The following UBE2R2 variants were observed in gnomAD, a reference collection of about 807,000 sequenced individuals.
UBE2R2 encodes the protein ubiquitin conjugating enzyme E2 R2.
UBE2R2 carries 1 observed loss-of-function variant against 27.8 expected under a neutral mutation model. That is an observed-to-expected ratio of 0.04 (90% CI 0.01 to 0.17). The LOEUF is 0.17. Among genes scored for constraint, UBE2R2 ranks in the 10% least tolerant of loss-of-function variants. UBE2R2 has a pLI of 1.00. For missense variants in UBE2R2, 100 were observed against 291.0 expected, an observed-to-expected ratio of 0.34 and a Z score of 4.78; for synonymous variants, 106 against 113.3, an observed-to-expected ratio of 0.94 and a Z score of 0.41.
At chr9:33,853,498 T>G (rs1587445799) in intron 1 of UBE2R2, among the ~76,000 whole-genome samples, 1 of 152,066 alleles carries the variant, frequency 6.6e-6, no homozygotes, top group East Asian at 1.9e-4. Flanking sequence ...TTGGTCAGGC[T>G]GGTCTCGAAC....
chr9:33,854,396 T>C (rs922558688), intron 1 of UBE2R2, among the ~76,000 whole-genome samples: 2 of 152,070 alleles, frequency 1.3e-5, no homozygotes, highest in African/African-American at 2.4e-5. Flanking sequence ...CTCAGCTCAC[T>C]GCAACTTCCG....
chr9:33,849,907 T>C (rs1290658820), intron 1 of UBE2R2, among the ~76,000 whole-genome samples: 1 of 152,058 alleles, frequency 6.6e-6, no homozygotes, highest in Non-Finnish European at 1.5e-5. Context: ...ACTGACCCAA[T>C]TCTATATGTA....
intron 1 of UBE2R2, among the ~76,000 whole-genome samples, chr9:33,862,504 A>C (rs373634169): frequency 4.6e-5 from 7 of 152,138 alleles, no homozygotes; most frequent in African/African-American, 1.7e-4. Flanking sequence ...TCTTTGGCTG[A>C]ATTACATGCC....
chr9:33,892,842 G>A (rs571657021), intron 2 of UBE2R2, among the ~76,000 whole-genome samples: 1 of 151,996 alleles, frequency 6.6e-6, no homozygotes, highest in East Asian at 1.9e-4. Context: ...ATTTGGATGG[G>A]GTGTAGGCTA....
At chr9:33,829,603 G>C (rs962346296) in intron 1 of UBE2R2, among the ~76,000 whole-genome samples, 2 of 152,062 alleles carry the variant, frequency 1.3e-5, no homozygotes, top group South Asian at 2.1e-4. Flanking sequence ...AGATGATAGA[G>C]AAAGTTAAAT....
In UBE2R2 at chr9:33,817,699, C is replaced by T. The variant is rs1825835049; in HGVS notation, c.-59C>T. 3.0e-6 allele frequency: 4 copies of T among 1,340,950 alleles called. No homozygotes were observed. Among genetic ancestry groups the T allele is most frequent in the African/African-American group, 1.6e-5 (1 of 63,118 alleles). 83.1% of individuals were successfully genotyped at this position (1,340,950 alleles called of 1,614,324 possible). ...CGGAGGGGAGGGGCCTGGTCCGGCCCGGCCGGTGCGTGAGGACTGGGGCCC... is the reference window on the plus strand; with the variant it reads ...CGGAGGGGAGGGGCCTGGTCCGGCCTGGCCGGTGCGTGAGGACTGGGGCCC... On this transcript the variant is annotated 5_prime_UTR_variant, in exon 1 of 5. Transcript: ENST00000263228.
chr9:33,894,503 G>C (rs1424982170), intron 2 of UBE2R2, among the ~76,000 whole-genome samples: 1 of 151,968 alleles, frequency 6.6e-6, no homozygotes, highest in Admixed American at 6.6e-5. Flanking sequence ...GCCCAGTCAT[G>C]GCTCACTGCA....
At chr9:33,823,590 G>C (rs184280091) in intron 1 of UBE2R2, among the ~76,000 whole-genome samples, 1 of 152,040 alleles carries the variant, frequency 6.6e-6, no homozygotes, top group Admixed American at 6.5e-5. Flanking sequence ...TGTCCAGGCT[G>C]GTCTCAAACT....
At chr9:33,819,519 A>G (rs1367763137) in intron 1 of UBE2R2, among the ~76,000 whole-genome samples, 4 of 152,250 alleles carry the variant, frequency 2.6e-5, no homozygotes, top group Admixed American at 1.3e-4. Flanking sequence ...CATGCAACTT[A>G]TTAGTAACAA....
intron 1 of UBE2R2, among the ~76,000 whole-genome samples, chr9:33,877,712 GTAT>G (rs1488154501): frequency 2.0e-5 from 3 of 152,162 alleles, no homozygotes; most frequent in African/African-American, 7.2e-5. Flanking sequence ...AAAGCTGGTA[GTAT>G]TATAATCTAA....
chr9:33,901,974 C>T (rs1361898668), intron 3 of UBE2R2, among the ~76,000 whole-genome samples: 4 of 147,570 alleles, frequency 2.7e-5, no homozygotes, highest in Non-Finnish European at 5.9e-5. Context: ...AATGAAGCGG[C>T]GCGGTCACGG....
intron 2 of UBE2R2, among the ~76,000 whole-genome samples, chr9:33,897,580 A>G (rs533730407): frequency 5.9e-5 from 9 of 151,896 alleles, no homozygotes; most frequent in African/African-American, 2.2e-4. Context: ...GGCCTCCCAA[A>G]GTGCTGGGAT....
chr9:33,887,857 A>G (rs921770096), intron 2 of UBE2R2, among the ~76,000 whole-genome samples: 14 of 152,080 alleles, frequency 9.2e-5, no homozygotes, highest in Admixed American at 2.6e-4. Context: ...TTGTATTTTT[A>G]GTAGAGATGG....
chr9:33,910,801 A>G (rs943156634), intron 3 of UBE2R2, among the ~76,000 whole-genome samples: 1 of 152,200 alleles, frequency 6.6e-6, no homozygotes, highest in Non-Finnish European at 1.5e-5. Flanking sequence ...AAGAGGCCAC[A>G]ATAAAAACTG....
intron 1 of UBE2R2, among the ~76,000 whole-genome samples, chr9:33,873,949 AAT>A (rs1491299700): frequency 3.6e-5 from 4 of 112,354 alleles, no homozygotes; most frequent in African/African-American, 1.4e-4. Flanking sequence ...GCCTGGCCTA[AAT>A]TTTTTTTTTT....
chr9:33,845,705 T>TA (rs2130745958), intron 1 of UBE2R2, among the ~76,000 whole-genome samples: 1 of 152,282 alleles, frequency 6.6e-6, no homozygotes, highest in African/African-American at 2.4e-5. Context: ...TGTGATAAGA[T>TA]ACTTCATTTA....
At chr9:33,826,492 A>T (rs555015645) in intron 1 of UBE2R2, among the ~76,000 whole-genome samples, 1 of 152,166 alleles carries the variant, frequency 6.6e-6, no homozygotes, top group East Asian at 1.9e-4. Flanking sequence ...AGGCCAGGAG[A>T]TTGAGACCAT....
chr9:33,875,240 T>C (rs1055595052), intron 1 of UBE2R2, among the ~76,000 whole-genome samples: 2 of 152,196 alleles, frequency 1.3e-5, no homozygotes, highest in Non-Finnish European at 2.9e-5. Flanking sequence ...TTCCTTAATA[T>C]CCAGTCAATG....
chr9:33,917,293 G>A lies in UBE2R2; in HGVS notation c.*56G>A. On this transcript the variant is annotated 3_prime_UTR_variant, in exon 5 of 5. Coordinates refer to ENST00000263228, the MANE Select transcript of UBE2R2 (RefSeq NM_017811.4). ...GCCATCTCAGGCCAAAGGGAGGGGA[G>A]CAAGTGGGGACCTGGCCATGGCCCC... The A allele has an allele frequency of 1.9e-6, 3 of 1,601,514 alleles. No individual in the cohort carries two copies. In the East Asian group the frequency reaches 6.7e-5, roughly 36 times the overall value.
Sources: gnomAD v4.1 joint callset for allele counts (sites outside exome capture counted in the v4.1 genomes callset) on GRCh38, gnomAD v4.1.1 for gene constraint, MANE v1.5 for transcripts, NCBI Gene and HGNC (gene_info 2026-07-23, HGNC 2026-07-21) for gene names.